GRIN2B: variants seen among roughly 807,000 people sequenced by gnomAD.
GRIN2B encodes glutamate ionotropic receptor NMDA type subunit 2B, also known as glutamate receptor ionotropic, NMDA 2B.
GRIN2B carries 5 observed loss-of-function variants against 114.5 expected under a neutral mutation model. That is an observed-to-expected ratio of 0.04 (90% CI 0.02 to 0.09). GRIN2B has a LOEUF of 0.09. GRIN2B is among the 10% of genes least tolerant of loss of function. GRIN2B has a pLI of 1.00. For missense variants in GRIN2B, 1,108 were observed against 1,943.5 expected (o/e 0.57, Z 8.08); for synonymous variants, 787 against 745.1 (o/e 1.06, Z -0.92).
intron 2 of GRIN2B, among the ~76,000 whole-genome samples, chr12:13,907,494 G>GAAA (rs36064040): frequency 3.8e-5 from 5 of 130,028 alleles, no homozygotes; most frequent in Non-Finnish European, 1.6e-5. Flanking sequence ...TCTGTCTCAG[G>GAAA]AAAAAAAAAA....
intron 10 of GRIN2B, among the ~76,000 whole-genome samples, chr12:13,590,297 G>A (rs893639022): frequency 6.6e-6 from 1 of 152,018 alleles, no homozygotes. Context: ...AGGTATACAC[G>A]TACCACGGTG....
At chr12:13,569,461 C>G (rs574926430) in intron 12 of GRIN2B, among the ~76,000 whole-genome samples, 5 of 152,248 alleles carry the variant, frequency 3.3e-5, no homozygotes, top group South Asian at 2.1e-4. Context: ...AATCAGAGGT[C>G]AGGGGTATGC....
chr12:13,757,363 G>A (rs1480769564), intron 3 of GRIN2B, among the ~76,000 whole-genome samples: 1 of 152,190 alleles, frequency 6.6e-6, no homozygotes, highest in Non-Finnish European at 1.5e-5. Flanking sequence ...AATGGTGACA[G>A]GCTTTGCAAA....
At chr12:13,856,703 TC>T (rs1865666493) in intron 3 of GRIN2B, among the ~76,000 whole-genome samples, 1 of 152,158 alleles carries the variant, frequency 6.6e-6, no homozygotes, top group Non-Finnish European at 1.5e-5. Flanking sequence ...ACCTTGCACC[TC>T]CCCTGGCCAT....
At chr12:13,955,899 G>T (rs1867582086) in intron 2 of GRIN2B, among the ~76,000 whole-genome samples, 1 of 152,190 alleles carries the variant, frequency 6.6e-6, no homozygotes, top group African/African-American at 2.4e-5. Flanking sequence ...GGCCCCAGCT[G>T]CATGGTGGCA....
At position 13,945,849 on chromosome 12, in the gene GRIN2B, A is replaced by G. The variant is rs146762559; in HGVS notation, c.-19+34079T>C. ...CATACTTGGAAGTAAACCATCTATT[A>G]CTACATTTAATTCCAAGGAATGACT... On this transcript the variant is annotated intron_variant, in intron 2 of 13. Coordinates refer to ENST00000609686, the MANE Select transcript of GRIN2B (RefSeq NM_000834.5). 1.3e-4 allele frequency among the ~76,000 whole-genome samples: 20 copies of G among 152,316 alleles called. No homozygotes were observed. In the East Asian group the frequency reaches 3.5e-3, roughly 26 times the overall value.
chr12:13,567,566 A>C (rs1328866985), intron 12 of GRIN2B, among the ~76,000 whole-genome samples: 1 of 152,192 alleles, frequency 6.6e-6, no homozygotes, highest in Non-Finnish European at 1.5e-5. Context: ...TTGGCATATA[A>C]ATAATCACAA....
intron 5 of GRIN2B, among the ~76,000 whole-genome samples, chr12:13,627,615 CA>C (rs1326232638): frequency 1.3e-5 from 2 of 152,190 alleles, no homozygotes; most frequent in Non-Finnish European, 2.9e-5. Context: ...AGTGTCTCTC[CA>C]AAGGAAGAAG....
At chr12:13,703,538 T>C in intron 4 of GRIN2B, among the ~76,000 whole-genome samples, 1 of 152,218 alleles carries the variant, frequency 6.6e-6, no homozygotes, top group East Asian at 1.9e-4. Flanking sequence ...CAATTATACA[T>C]AACTGCTGTA....
intron 3 of GRIN2B, among the ~76,000 whole-genome samples, chr12:13,824,244 A>C (rs1047865355): frequency 2.6e-5 from 4 of 152,200 alleles, no homozygotes; most frequent in Non-Finnish European, 5.9e-5. Flanking sequence ...CAGTGAAGCC[A>C]TTTGGGCTTG....
At chr12:13,595,965 G>A (rs895648701) in intron 10 of GRIN2B, among the ~76,000 whole-genome samples, 2 of 151,902 alleles carry the variant, frequency 1.3e-5, no homozygotes, top group Admixed American at 6.6e-5. Context: ...GGATGGGTGG[G>A]TGTGTCATGT....
intron 4 of GRIN2B, among the ~76,000 whole-genome samples, chr12:13,711,323 T>G (rs61912096): frequency 0.065 from 9,873 of 151,674 alleles, 424 homozygotes; most frequent in East Asian, 0.18. Flanking sequence ...CATGGGCAAG[T>G]ACTTCATGTC....
At chr12:13,938,200 G>T (rs935522227) in intron 2 of GRIN2B, among the ~76,000 whole-genome samples, 5 of 151,750 alleles carry the variant, frequency 3.3e-5, no homozygotes, top group Non-Finnish European at 7.4e-5. Context: ...CAAATAGCAA[G>T]ACATAGACAT....
At chr12:13,893,682 T>C (rs1238322462) in intron 2 of GRIN2B, among the ~76,000 whole-genome samples, 1 of 152,120 alleles carries the variant, frequency 6.6e-6, no homozygotes, top group Non-Finnish European at 1.5e-5. Flanking sequence ...AACTCAAATC[T>C]ATAAATGTAT....
chr12:13,898,025 TA>T (rs1187166388), intron 2 of GRIN2B, among the ~76,000 whole-genome samples: 1 of 148,800 alleles, frequency 6.7e-6, no homozygotes. Context: ...AATAAATAAA[TA>T]AAAAAGAAAG....
chr12:13,904,807 G>C (rs1866511851), intron 2 of GRIN2B, among the ~76,000 whole-genome samples: 1 of 152,022 alleles, frequency 6.6e-6, no homozygotes. Context: ...GAAGTCAGGA[G>C]TTCATCTGCC....
At chr12:13,918,099 T>C (rs1565586216) in intron 2 of GRIN2B, among the ~76,000 whole-genome samples, 2 of 152,148 alleles carry the variant, frequency 1.3e-5, no homozygotes, top group African/African-American at 2.4e-5. Flanking sequence ...ATCCATCAGA[T>C]TTAGCTTTCA....
chr12:13,906,440 A>G (rs138068553), intron 2 of GRIN2B, among the ~76,000 whole-genome samples: 2 of 152,336 alleles, frequency 1.3e-5, no homozygotes, highest in African/African-American at 2.4e-5. Context: ...TGCAAGAACA[A>G]CTTTTTGAGT....
chr12:13,720,563 C>T (rs758214741), intron 4 of GRIN2B, among the ~76,000 whole-genome samples: 8 of 152,092 alleles, frequency 5.3e-5, no homozygotes, highest in Non-Finnish European at 1.2e-4. Context: ...CTTCCTTCTA[C>T]CAGCAGATTT....
Sources: gnomAD v4.1 joint callset for allele counts (sites outside exome capture counted in the v4.1 genomes callset) on GRCh38, gnomAD v4.1.1 for gene constraint, MANE v1.5 for transcripts, NCBI Gene and HGNC (gene_info 2026-07-23, HGNC 2026-07-21) for gene names.